Variants in DLGAP4 observed in about 807,000 individuals in gnomAD.
DLGAP4 encodes the protein disks large-associated protein 4.
Under a neutral mutation model 86.9 loss-of-function variants are expected in DLGAP4, and 18 were observed. The ratio of observed to expected loss-of-function variants is 0.21; its 90% CI spans 0.14 to 0.31. The LOEUF (loss-of-function observed/expected upper bound fraction) is 0.31. Among genes scored for constraint, DLGAP4 ranks in the 10% least tolerant of loss-of-function variants. The probability of loss-of-function intolerance (pLI) is 1.00; values close to 1 mark genes in which losing one functional copy is unlikely to be tolerated. For synonymous variants in DLGAP4, 548 were observed against 574.3 expected, an observed-to-expected ratio of 0.95 and a Z score of 0.65; for missense variants, 1,085 against 1,362.6, an observed-to-expected ratio of 0.80 and a Z score of 3.21.
chr20:36,409,958 C>T (rs994853100), intron 2 of DLGAP4, among the ~76,000 whole-genome samples: 27 of 149,952 alleles, frequency 1.8e-4, no homozygotes, highest in South Asian at 1.1e-3. Flanking sequence ...GGCATGAACC[C>T]GGGAGGCGGA....
chr20:36,509,948 C>T (rs1311925254), intron 10 of DLGAP4, among the ~76,000 whole-genome samples: 2 of 152,020 alleles, frequency 1.3e-5, no homozygotes, highest in Non-Finnish European at 2.9e-5. Context: ...CCTCTGCCTC[C>T]CGGGTTCAAG....
intron 1 of DLGAP4, among the ~76,000 whole-genome samples, chr20:36,352,301 G>T (rs1555893523): frequency 6.6e-6 from 1 of 152,146 alleles, no homozygotes; most frequent in African/African-American, 2.4e-5. Context: ...AGTGAGATGG[G>T]AGCCACTGAG....
chr20:36,476,738 G>A (rs1191896301), intron 7 of DLGAP4, among the ~76,000 whole-genome samples: 7 of 69,366 alleles, frequency 1.0e-4, no homozygotes, highest in Admixed American at 5.8e-4. Flanking sequence ...ATGGAGTTTC[G>A]TTCTTGTTGC....
intron 1 of DLGAP4, among the ~76,000 whole-genome samples, chr20:36,323,467 A>C (rs1229568367): frequency 6.6e-6 from 1 of 152,176 alleles, no homozygotes. Flanking sequence ...CTAGTATTCC[A>C]CTTAGCGAAT....
At chr20:36,348,927 C>T (rs990740422) in intron 1 of DLGAP4, among the ~76,000 whole-genome samples, 1 of 150,392 alleles carries the variant, frequency 6.6e-6, no homozygotes, top group Non-Finnish European at 1.5e-5. Flanking sequence ...ATGGTAAAGC[C>T]CCATCTCTAC....
chr20:36,343,232 G>A (rs1005515316), intron 1 of DLGAP4, among the ~76,000 whole-genome samples: 1 of 152,200 alleles, frequency 6.6e-6, no homozygotes, highest in Non-Finnish European at 1.5e-5. Context: ...CTGAGGAGAC[G>A]GCTGCAGACA....
chr20:36,449,979 C>A (rs1403285306), intron 7 of DLGAP4, among the ~76,000 whole-genome samples: 1 of 152,226 alleles, frequency 6.6e-6, no homozygotes, highest in East Asian at 1.9e-4. Flanking sequence ...GTGGTCTAGC[C>A]AGGGCATGTT....
chr20:36,311,240 G>A (rs1296609071), intron 1 of DLGAP4, among the ~76,000 whole-genome samples: 1 of 151,118 alleles, frequency 6.6e-6, no homozygotes, highest in African/African-American at 2.5e-5. Flanking sequence ...GGGTGGGGGG[G>A]GTGGACCCTC....
At chr20:36,473,989 T>C (rs1411361245) in intron 7 of DLGAP4, among the ~76,000 whole-genome samples, 2 of 152,224 alleles carry the variant, frequency 1.3e-5, no homozygotes, top group African/African-American at 4.8e-5. Context: ...GTACTTAACC[T>C]CTCTGGGCTT....
chr20:36,436,683 G>A (rs2033291010), intron 4 of DLGAP4, among the ~76,000 whole-genome samples: 3 of 152,302 alleles, frequency 2.0e-5, no homozygotes, highest in African/African-American at 4.8e-5. Flanking sequence ...TGGGTTGGCG[G>A]CAGGCGCCTG....
chr20:36,488,818 C>T (rs1031155301), intron 7 of DLGAP4, among the ~76,000 whole-genome samples: 4 of 152,280 alleles, frequency 2.6e-5, no homozygotes, highest in East Asian at 3.9e-4. Context: ...GTGATCTGCC[C>T]GCCTCAGCCT....
intron 2 of DLGAP4, among the ~76,000 whole-genome samples, chr20:36,381,856 C>A (rs1469490433): frequency 7.9e-5 from 12 of 152,114 alleles, no homozygotes; most frequent in Non-Finnish European, 1.5e-5. Context: ...CTTCTCCTTG[C>A]CATGTTAGGA....
At chr20:36,496,191 C>T (rs976849139) in intron 7 of DLGAP4, among the ~76,000 whole-genome samples, 4 of 151,844 alleles carry the variant, frequency 2.6e-5, no homozygotes, top group Non-Finnish European at 4.4e-5. Flanking sequence ...CATTTTTGAC[C>T]AGGTGGAGAG....
At chr20:36,364,792 C>T (rs2030627247) in intron 1 of DLGAP4, among the ~76,000 whole-genome samples, 1 of 152,080 alleles carries the variant, frequency 6.6e-6, no homozygotes, top group Non-Finnish European at 1.5e-5. Flanking sequence ...ATGGTGCTTC[C>T]CGACCATTAT....
At chr20:36,407,692 C>T (rs926359757) in intron 2 of DLGAP4, among the ~76,000 whole-genome samples, 1 of 152,052 alleles carries the variant, frequency 6.6e-6, no homozygotes, top group Admixed American at 6.6e-5. Context: ...GGGAGGGCCT[C>T]TGGAGGAGAT....
intron 2 of DLGAP4, among the ~76,000 whole-genome samples, chr20:36,381,290 A>G (rs1045329228): frequency 1.3e-5 from 2 of 152,234 alleles, no homozygotes; most frequent in African/African-American, 4.8e-5. Flanking sequence ...TGGGCAAGGA[A>G]ACAAATTCAC....
chr20:36,341,336 C>G (rs782407331), intron 1 of DLGAP4, among the ~76,000 whole-genome samples: 2 of 152,192 alleles, frequency 1.3e-5, no homozygotes, highest in African/African-American at 4.8e-5. Flanking sequence ...TCATGACTTA[C>G]AATTGTTTTG....
chr20:36,360,593 G>C (rs1024079692), intron 1 of DLGAP4, among the ~76,000 whole-genome samples: 5 of 152,088 alleles, frequency 3.3e-5, no homozygotes, highest in African/African-American at 1.2e-4. Context: ...ATGGCGAATT[G>C]TGGGTGGCGG....
chr20:36,320,869 G>A (rs2065161238), intron 1 of DLGAP4, among the ~76,000 whole-genome samples: 1 of 152,184 alleles, frequency 6.6e-6, no homozygotes, highest in Admixed American at 6.5e-5. Context: ...AGCCAAATCA[G>A]TCCTTGGCTC....
Sources: allele counts gnomAD v4.1 joint callset (sites outside exome capture counted in the v4.1 genomes callset), GRCh38; gene constraint gnomAD v4.1.1; transcripts MANE v1.5; gene names NCBI Gene and HGNC (gene_info 2026-07-23, HGNC 2026-07-21).